Variants in NCAM1 observed in about 807,000 individuals in gnomAD.
NCAM1 encodes the protein antigen recognized by monoclonal antibody 5.1H11.
NCAM1 carries 14 observed loss-of-function variants against 109.8 expected under a neutral mutation model. The ratio of observed to expected loss-of-function variants is 0.13; its 90% CI spans 0.08 to 0.20. The LOEUF is 0.20. Among genes scored for constraint, NCAM1 ranks in the 10% least tolerant of loss-of-function variants. The probability of loss-of-function intolerance (pLI) is 1.00; values close to 1 mark genes in which losing one functional copy is unlikely to be tolerated. For missense variants in NCAM1, 774 were observed against 1,109.9 expected, an observed-to-expected ratio of 0.70 and a Z score of 4.30; for synonymous variants, 418 against 442.9, an observed-to-expected ratio of 0.94 and a Z score of 0.70.
At chr11:113,161,688 A>C (rs1414318363) in intron 1 of NCAM1, among the ~76,000 whole-genome samples, 1 of 152,210 alleles carries the variant, frequency 6.6e-6, no homozygotes, top group Admixed American at 6.5e-5. Context: ...TTTCCTCTTA[A>C]GCATGAGGAT....
intron 1 of NCAM1, among the ~76,000 whole-genome samples, chr11:113,201,334 T>A (rs1944052027): frequency 6.6e-6 from 1 of 152,088 alleles, no homozygotes; most frequent in East Asian, 1.9e-4. Context: ...AGAAAATGGC[T>A]GTTGGAAGGA....
At position 113,035,593 on chromosome 11, in the gene NCAM1, AG is replaced by A. The variant is rs1952850048; in HGVS notation, c.52+73931del. Among the ~76,000 whole-genome samples the A allele has an allele frequency of 2.0e-5, 3 of 152,196 alleles. No homozygotes were observed. In the South Asian group the frequency reaches 6.2e-4, roughly 32 times the overall value. On this transcript the variant is annotated intron_variant, in intron 1 of 19. Transcript: ENST00000316851. ...TATTTTTTAAAGGCCTTGGTGTTCT[AG>A]GAAGAAAGCTTCATTATTGGGTAAT...
intron 1 of NCAM1, among the ~76,000 whole-genome samples, chr11:113,052,059 C>T (rs1953519079): frequency 6.6e-6 from 1 of 152,148 alleles, no homozygotes; most frequent in Non-Finnish European, 1.5e-5. Context: ...GCAAGAGAGT[C>T]TTTTAAGTTT....
intron 1 of NCAM1, among the ~76,000 whole-genome samples, chr11:113,012,745 T>C (rs959118542): frequency 5.9e-5 from 9 of 152,190 alleles, no homozygotes; most frequent in Admixed American, 3.9e-4. Context: ...TCATTGAGTT[T>C]AGTCCCCAAG....
chr11:113,098,385 A>T (rs1939704955), intron 1 of NCAM1, among the ~76,000 whole-genome samples: 1 of 152,234 alleles, frequency 6.6e-6, no homozygotes, highest in African/African-American at 2.4e-5. Context: ...TCTCTAGATT[A>T]CTTATAATAC....
At chr11:113,109,158 G>T (rs1268460569) in intron 1 of NCAM1, among the ~76,000 whole-genome samples, 1 of 151,474 alleles carries the variant, frequency 6.6e-6, no homozygotes, top group Non-Finnish European at 1.5e-5. Context: ...GACCAGCCTG[G>T]CCAACATAGT....
intron 1 of NCAM1, among the ~76,000 whole-genome samples, chr11:113,193,297 G>A (rs1008033770): frequency 1.4e-4 from 21 of 152,188 alleles, no homozygotes; most frequent in African/African-American, 5.1e-4. Context: ...TCTGTCTCCT[G>A]CTCTTGCTTA....
At chr11:113,008,072 G>A (rs1415341985) in intron 1 of NCAM1, among the ~76,000 whole-genome samples, 1 of 152,122 alleles carries the variant, frequency 6.6e-6, no homozygotes, top group Non-Finnish European at 1.5e-5. Flanking sequence ...TAAAATAATG[G>A]TGCATCTTAC....
intron 1 of NCAM1, among the ~76,000 whole-genome samples, chr11:113,014,135 A>G (rs1482184347): frequency 4.6e-5 from 7 of 152,178 alleles, no homozygotes; most frequent in Non-Finnish European, 1.0e-4. Flanking sequence ...GGTATACTAC[A>G]CAGGCTTGGG....
intron 1 of NCAM1, among the ~76,000 whole-genome samples, chr11:113,029,810 T>A (rs985503292): frequency 1.3e-5 from 2 of 152,194 alleles, no homozygotes; most frequent in Non-Finnish European, 2.9e-5. Context: ...ATTAAAAAAA[T>A]TTAAACTGAG....
At chr11:113,102,572 G>A (rs184536936) in intron 1 of NCAM1, among the ~76,000 whole-genome samples, 139 of 152,146 alleles carry the variant, frequency 9.1e-4, no homozygotes, top group Middle Eastern at 3.4e-3. Flanking sequence ...CTGGCTCTTG[G>A]GCATATTGAT....
rs139417740 is a variant in NCAM1 at position 113,046,569 on chromosome 11, T to C, written c.52+84905T>C. The stretch of plus-strand genomic sequence containing the variant: ...GGTACCTGGCATGGAAGATATCCTG[T>C]CCACAACCATAAATGTTTTGATGTT... On this transcript the variant is annotated intron_variant, in intron 1 of 19. Coordinates refer to ENST00000316851, the MANE Select transcript of NCAM1 (RefSeq NM_181351.5). Among the ~76,000 whole-genome samples, 18 of 152,304 alleles carry C rather than the reference T, an allele frequency of 1.2e-4. No homozygotes were observed. In the South Asian group the frequency reaches 1.7e-3, roughly 14 times the overall value.
intron 14 of NCAM1, among the ~76,000 whole-genome samples, chr11:113,241,073 C>A (rs1016685810): frequency 9.2e-5 from 14 of 152,194 alleles, no homozygotes; most frequent in Admixed American, 8.5e-4. Context: ...GAAAACCCTG[C>A]AGGCAGGATC....
chr11:113,147,897 C>T (rs1309147654), intron 1 of NCAM1, among the ~76,000 whole-genome samples: 1 of 152,168 alleles, frequency 6.6e-6, no homozygotes, highest in Non-Finnish European at 1.5e-5. Flanking sequence ...CTGTCCGTGG[C>T]CACTACTCTA....
intron 1 of NCAM1, among the ~76,000 whole-genome samples, chr11:113,148,385 T>G (rs1443008006): frequency 1.3e-5 from 2 of 151,408 alleles, no homozygotes; most frequent in Non-Finnish European, 3.0e-5. Context: ...CTTTTTTTTC[T>G]TTTTTTCTTT....
At chr11:112,976,532 T>C (rs186924918) in intron 1 of NCAM1, among the ~76,000 whole-genome samples, 2 of 152,036 alleles carry the variant, frequency 1.3e-5, no homozygotes, top group East Asian at 3.9e-4. Flanking sequence ...AGAATCCAGG[T>C]GCTTAAGTGC....
chr11:113,067,617 TCACTAGTTCTAC>T (rs1487475642), intron 1 of NCAM1, among the ~76,000 whole-genome samples: 1 of 152,240 alleles, frequency 6.6e-6, no homozygotes, highest in Non-Finnish European at 1.5e-5. Flanking sequence ...TGCAACTAGC[TCACTAGTTCTAC>T]CACCTGTAAC....
At chr11:113,061,970 TG>T (rs1937673519) in intron 1 of NCAM1, among the ~76,000 whole-genome samples, 1 of 152,202 alleles carries the variant, frequency 6.6e-6, no homozygotes, top group African/African-American at 2.4e-5. Context: ...CCTAGTCTGT[TG>T]CTGTCACATC....
rs782608983 is a variant in NCAM1 at position 113,221,334 on chromosome 11, T to C, written c.1089+9T>C. The C allele has an allele frequency of 3.2e-6, 5 of 1,567,560 alleles. No homozygotes were observed. The highest frequency in any genetic ancestry group is 1.7e-4 in the Middle Eastern group (1 of 6,030). ...GACCAGAGAAGCAAGAGGTATAGCT[T>C]ACCTGACCACTAGCCAGTCTTTAGT... On this transcript the variant is annotated intron_variant, in intron 9 of 19. Coordinates refer to ENST00000316851, the MANE Select transcript of NCAM1 (RefSeq NM_181351.5).
Sources: gnomAD v4.1 joint callset for allele counts (sites outside exome capture counted in the v4.1 genomes callset) on GRCh38, gnomAD v4.1.1 for gene constraint, MANE v1.5 for transcripts, NCBI Gene and HGNC (gene_info 2026-07-23, HGNC 2026-07-21) for gene names.